TMCO6: variants seen among roughly 807,000 people sequenced by gnomAD.
TMCO6 encodes transmembrane and coiled-coil domain-containing protein 6.
A neutral mutation model predicts 61.8 loss-of-function variants in TMCO6; 47 were observed. That is an observed-to-expected ratio of 0.76 (90% CI 0.60 to 0.97). TMCO6 has a LOEUF of 0.97. Ranked by LOEUF, TMCO6 falls within the 50% of genes least tolerant of loss-of-function variation. The probability of loss-of-function intolerance (pLI) is 0.00; values close to 1 mark genes in which losing one functional copy is unlikely to be tolerated. For synonymous variants in TMCO6, 261 were observed against 254.2 expected, an observed-to-expected ratio of 1.03 and a Z score of -0.25; for missense variants, 557 against 601.6, an observed-to-expected ratio of 0.93 and a Z score of 0.78.
chr5:140,602,509 T>C, the TMCO6 span, among the ~76,000 whole-genome samples: 1 of 152,274 alleles, frequency 6.6e-6, no homozygotes, highest in African/African-American at 2.4e-5. Context: ...ACACCTGTAA[T>C]CCCAGCACTT....
At chr5:140,621,625 A>G in the TMCO6 span, among the ~76,000 whole-genome samples, 3 of 152,356 alleles carry the variant, frequency 2.0e-5, no homozygotes, top group South Asian at 2.1e-4. Flanking sequence ...TGTTCAGGGA[A>G]TAAGAGAGAT....
chr5:140,618,521 G>A, the TMCO6 span, among the ~76,000 whole-genome samples: 1 of 151,954 alleles, frequency 6.6e-6, no homozygotes, highest in Non-Finnish European at 1.5e-5. Flanking sequence ...TTAGGTTTGG[G>A]GGTATATGTG....
Position 140,642,985 on chromosome 5 carries a change from G to A in TMCO6, c.750G>A (p.Lys250=). The A allele has an allele frequency of 3.7e-6, 6 of 1,614,192 alleles. No individual in the cohort carries two copies. The highest frequency in any genetic ancestry group is 5.1e-6 in the Non-Finnish European group (6 of 1,180,028). The change falls in exon 7 of 12, where the codon AAG becomes AAA. Residue 250 remains lysine, a synonymous_variant. Transcript: ENST00000394671. The part of the protein sequence containing the change: ...HMLQMLQPGP[K]LNPGVAVEFA... ...TACAAATGTTGCAACCTGGCCCAAAGCTCAACCCTGGGGTCGCTGTGGAGT... is the reference window on the plus strand; with the variant it reads ...TACAAATGTTGCAACCTGGCCCAAAACTCAACCCTGGGGTCGCTGTGGAGT...
the TMCO6 span, among the ~76,000 whole-genome samples, chr5:140,630,518 T>C: frequency 6.6e-6 from 1 of 152,192 alleles, no homozygotes; most frequent in African/African-American, 2.4e-5. Context: ...GGCATGGATG[T>C]TTCTGATTCA....
At chr5:140,626,909 T>C in the TMCO6 span, among the ~76,000 whole-genome samples, 1 of 152,220 alleles carries the variant, frequency 6.6e-6, no homozygotes, top group South Asian at 2.1e-4. Context: ...TGTGCTTTTA[T>C]TCCAATGTTC....
the TMCO6 span, among the ~76,000 whole-genome samples, chr5:140,622,160 C>T: frequency 6.6e-6 from 1 of 152,188 alleles, no homozygotes; most frequent in East Asian, 1.9e-4. Context: ...GCTTGTGGGG[C>T]ATCACGGAAC....
intron 7 of TMCO6, 72 bp downstream of exon 7, chr5:140,643,113 C>A: frequency 6.2e-7 from 1 of 1,600,150 alleles, no homozygotes; most frequent in South Asian, 1.1e-5. Flanking sequence ...ACTCTTTGAA[C>A]TTGTGTCTGG....
chr5:140,639,352 G>A, upstream of TMCO6: 1 of 624,776 alleles, frequency 1.6e-6, no homozygotes, highest in Non-Finnish European at 2.8e-6. Flanking sequence ...CCCGCCCACC[G>A]TCCCCGCGAG....
At chr5:140,642,138 G>A (rs553227904) in intron 4 of TMCO6, 85 bp downstream of exon 4, 3 of 1,528,666 alleles carry the variant, frequency 2.0e-6, no homozygotes, top group African/African-American at 2.7e-5. Context: ...CAGGTAGGAG[G>A]AAGAAAACAT....
chr5:140,600,662 G>A, the TMCO6 span, among the ~76,000 whole-genome samples: 8 of 151,836 alleles, frequency 5.3e-5, no homozygotes, highest in South Asian at 4.2e-4. Flanking sequence ...ACAGGGTTTC[G>A]TCATTTTGGC....
the TMCO6 span, among the ~76,000 whole-genome samples, chr5:140,597,716 A>C: frequency 6.6e-6 from 1 of 152,114 alleles, no homozygotes; most frequent in African/African-American, 2.4e-5. Flanking sequence ...CCTTCAGTCC[A>C]CTCCAATTTA....
In TMCO6 at chr5:140,642,300, G is replaced by C. The variant is rs1389303077; in HGVS notation, c.499-15G>C. ...GAAACAGGCCAAGCCCAGTGCTTTT[G>C]TTGCCTGTTCTCAGGAGCTGTGTCT... On this transcript the variant is annotated splice_polypyrimidine_tract_variant and intron_variant, in intron 4 of 11. Transcript: ENST00000394671. 1 of 1,598,950 alleles carries C rather than the reference G, an allele frequency of 6.3e-7. No homozygotes were observed. Among genetic ancestry groups the C allele is most frequent in the Non-Finnish European group, 8.5e-7 (1 of 1,171,534 alleles).
At chr5:140,627,144 T>C in the TMCO6 span, among the ~76,000 whole-genome samples, 8 of 152,144 alleles carry the variant, frequency 5.3e-5, no homozygotes, top group Non-Finnish European at 1.0e-4. Flanking sequence ...GCACTTTCCA[T>C]GTAAAACTGT....
chr5:140,632,215 T>C, the TMCO6 span: 6 of 1,613,544 alleles, frequency 3.7e-6, no homozygotes, highest in Non-Finnish European at 5.1e-6. This position sits in a 1 kb window ranked among gnomAD's most constrained non-coding sequence, Gnocchi z 6.2. Context: ...GAGTTGTGGC[T>C]GAGGTCTAGG....
Position 140,645,170 on chromosome 5 carries a change from G to A in TMCO6, c.*72G>A, listed in dbSNP as rs1757324346. The A allele has an allele frequency of 5.4e-6, 8 of 1,480,108 alleles. No homozygotes were observed. Among genetic ancestry groups the A allele is most frequent in the South Asian group, 1.1e-5 (1 of 88,068 alleles). The allele number at this position is 1,480,108 out of a possible 1,614,324, so 91.7% of individuals were successfully genotyped here. On this transcript the variant is annotated 3_prime_UTR_variant, in exon 12 of 12. Transcript: ENST00000394671. The stretch of plus-strand genomic sequence containing the variant: ...TTGTTTGTCCAGTAGAGCCTTTGGA[G>A]ATTTAGGACCATAATGAGGTCTCAT...
chr5:140,635,542 C>T (rs572803799), upstream of TMCO6, among the ~76,000 whole-genome samples: 30 of 152,224 alleles, frequency 2.0e-4, no homozygotes, highest in South Asian at 5.8e-3. Flanking sequence ...TTAAGAGGGG[C>T]AGTGATGGTT....
the TMCO6 span, among the ~76,000 whole-genome samples, chr5:140,606,400 C>T: frequency 6.6e-6 from 1 of 151,804 alleles, no homozygotes; most frequent in Admixed American, 6.6e-5. Flanking sequence ...TTTGTACTTT[C>T]TTTTTTTTCT....
downstream of TMCO6, chr5:140,647,429 A>G (rs899047509): frequency 6.2e-7 from 1 of 1,609,430 alleles, no homozygotes; most frequent in African/African-American, 1.3e-5. Flanking sequence ...AGGGAGGTCG[A>G]GGTCGTGACC....
rs1278379524 is a variant in TMCO6, at chr5:140,641,607, G to C, written c.199-58G>C. 8.1e-6 allele frequency: 12 copies of C among 1,478,038 alleles called. No individual in the cohort carries two copies. In the East Asian group the frequency reaches 2.7e-4, roughly 34 times the overall value. The allele number at this position is 1,478,038 out of a possible 1,614,324, so 91.6% of individuals were successfully genotyped here. The stretch of plus-strand genomic sequence containing the variant: ...CTCACAGGTGAAGTGGGCAGAGAGA[G>C]ACTTAGGACTTGCTTTCTGTGAACC... On this transcript the variant is annotated intron_variant, in intron 2 of 11. Transcript: ENST00000394671.
Sources: allele counts gnomAD v4.1 joint callset (sites outside exome capture counted in the v4.1 genomes callset), GRCh38; gene constraint gnomAD v4.1.1; non-coding constraint Gnocchi (gnomAD v3.1); transcripts MANE v1.5; gene names NCBI Gene and HGNC (gene_info 2026-07-23, HGNC 2026-07-21).